The following N4BP1 variants were observed in gnomAD, a reference collection of about 807,000 sequenced individuals.
N4BP1 encodes the protein NEDD4-binding protein 1.
A neutral mutation model predicts 70.9 loss-of-function variants in N4BP1; 21 were observed. The ratio of observed to expected loss-of-function variants is 0.30; its 90% CI spans 0.21 to 0.43. The LOEUF (loss-of-function observed/expected upper bound fraction) is 0.43, where lower values mean the gene tolerates loss of function less well. Among genes scored for constraint, N4BP1 ranks in the 20% least tolerant of loss-of-function variants. The pLI, the probability that N4BP1 is intolerant of heterozygous loss-of-function variation, is 1.00. For missense variants in N4BP1, 936 were observed against 1,069.4 expected (o/e 0.88, Z 1.74); for synonymous variants, 387 against 394.6 (o/e 0.98, Z 0.23).
At chr16:48,554,930 C>T (rs1005221004) in intron 2 of N4BP1, among the ~76,000 whole-genome samples, 2 of 152,194 alleles carry the variant, frequency 1.3e-5, no homozygotes, top group Admixed American at 6.5e-5. Flanking sequence ...GACCCCTCCT[C>T]GTCTGACTCG....
intron 1 of N4BP1, among the ~76,000 whole-genome samples, chr16:48,590,269 C>T (rs1964314721): frequency 1.3e-5 from 2 of 152,144 alleles, no homozygotes; most frequent in African/African-American, 2.4e-5. Flanking sequence ...CCATCTCCAA[C>T]CTGACCAATC....
intron 1 of N4BP1, chr16:48,578,305 C>G (rs1321500519): frequency 6.6e-6 from 1 of 152,554 alleles, no homozygotes; most frequent in Non-Finnish European, 1.5e-5. Context: ...CCCAGGGGCT[C>G]TGGGTCGCAC....
intron 1 of N4BP1, among the ~76,000 whole-genome samples, chr16:48,565,890 A>T (rs896681787): frequency 2.6e-5 from 4 of 152,212 alleles, no homozygotes; most frequent in Non-Finnish European, 5.9e-5. Flanking sequence ...GTCCATTTCA[A>T]CTAAGTCATC....
At chr16:48,551,321 C>T in intron 4 of N4BP1, 65 bp downstream of exon 4, 1 of 1,234,322 alleles carries the variant, frequency 8.1e-7, no homozygotes, top group Non-Finnish European at 1.2e-6. Context: ...ACCTGTCCAG[C>T]AGAGCAGGTG....
rs1964656486 is a variant in N4BP1 at position 48,609,904 on chromosome 16, G to A, written c.69C>T (p.Ser23=). Residue 23 remains serine, a synonymous_variant, in exon 1 of 7, where the codon AGC becomes AGT. Coordinates refer to ENST00000262384, the MANE Select transcript of N4BP1 (RefSeq NM_153029.4). ...PAEKAELLEQ[S]RGRIEGLFGV... The stretch of plus-strand genomic sequence containing the variant: ...CAAACAGGCCCTCGATACGGCCGCG[G>A]CTCTGCTCCAGCAGCTCCGCCTTCT... The A allele has an allele frequency of 6.8e-7, 1 of 1,468,316 alleles. No homozygotes were observed. The highest frequency in any genetic ancestry group is 9.0e-7 in the Non-Finnish European group (1 of 1,110,476). The allele number at this position is 1,468,316 out of a possible 1,614,324, so 91.0% of individuals were successfully genotyped here. A position where few individuals can be genotyped will look rare whatever the true frequency, so the allele number is the denominator to read the frequency against.
At chr16:48,568,457 T>C (rs72788409) in intron 1 of N4BP1, among the ~76,000 whole-genome samples, 285 of 152,332 alleles carry the variant, frequency 1.9e-3, no homozygotes, top group Middle Eastern at 3.4e-3. Context: ...ACCTATTACA[T>C]TTACCCAGAT....
At chr16:48,573,361 G>T (rs1964050334) in intron 1 of N4BP1, among the ~76,000 whole-genome samples, 1 of 152,102 alleles carries the variant, frequency 6.6e-6, no homozygotes, top group Admixed American at 6.5e-5. Flanking sequence ...GGAGGCCAAG[G>T]CAGGCGGATT....
chr16:48,585,896 A>G (rs1229571862), intron 1 of N4BP1, among the ~76,000 whole-genome samples: 1 of 152,062 alleles, frequency 6.6e-6, no homozygotes, highest in African/African-American at 2.4e-5. Flanking sequence ...AGGTTTCATC[A>G]CGTTGGCCAG....
chr16:48,604,596 A>G (rs1964549735), intron 1 of N4BP1, among the ~76,000 whole-genome samples: 1 of 117,934 alleles, frequency 8.5e-6, no homozygotes, highest in South Asian at 2.6e-4. Context: ...AAAAAACAAA[A>G]AAAGGTAAAA....
intron 1 of N4BP1, among the ~76,000 whole-genome samples, chr16:48,585,507 A>C (rs1393351679): frequency 6.6e-6 from 1 of 151,252 alleles, no homozygotes; most frequent in East Asian, 2.0e-4. Flanking sequence ...ATAAAATTAT[A>C]TGTTCAACTA....
chr16:48,606,564 G>A (rs1360364730), intron 1 of N4BP1, among the ~76,000 whole-genome samples: 1 of 152,212 alleles, frequency 6.6e-6, no homozygotes, highest in Non-Finnish European at 1.5e-5. Flanking sequence ...CTGAAGTACT[G>A]CTTTCTACGA....
chr16:48,574,356 A>C lies in N4BP1; in HGVS notation c.199-11912T>G, dbSNP rs1964063402. On this transcript the variant is annotated intron_variant, in intron 1 of 6. Coordinates refer to ENST00000262384, the MANE Select transcript of N4BP1 (RefSeq NM_153029.4). The stretch of plus-strand genomic sequence containing the variant: ...TTCTTATCTGACATTTGAGATAAGG[A>C]ATGTCAGCAGTTATGAAATATTGAG... Among the ~76,000 whole-genome samples, 4 of 152,202 alleles carry C rather than the reference A, an allele frequency of 2.6e-5. No homozygotes were observed. The South Asian group carries it at 8.3e-4, about 31-fold the overall frequency.
intron 1 of N4BP1, among the ~76,000 whole-genome samples, chr16:48,594,281 T>C (rs1050064524): frequency 1.3e-5 from 2 of 152,192 alleles, no homozygotes; most frequent in Non-Finnish European, 2.9e-5. Flanking sequence ...AGGTTTTTCC[T>C]GTTTTAAAAT....
At chr16:48,554,986 C>G (rs1389994219) in intron 2 of N4BP1, among the ~76,000 whole-genome samples, 1 of 152,216 alleles carries the variant, frequency 6.6e-6, no homozygotes, top group Non-Finnish European at 1.5e-5. Flanking sequence ...CATGAGACAA[C>G]CCTCTTGGTT....
At chr16:48,572,132 G>A (rs892542579) in intron 1 of N4BP1, among the ~76,000 whole-genome samples, 2 of 152,282 alleles carry the variant, frequency 1.3e-5, no homozygotes, top group Admixed American at 1.3e-4. Context: ...CCAGGAAGTC[G>A]AGGCTGCAGT....
intron 2 of N4BP1, among the ~76,000 whole-genome samples, chr16:48,554,636 C>A (rs963997166): frequency 6.6e-6 from 1 of 152,234 alleles, no homozygotes; most frequent in Non-Finnish European, 1.5e-5. Context: ...TCTATGTTCA[C>A]TGCTTCAATG....
intron 1 of N4BP1, among the ~76,000 whole-genome samples, chr16:48,573,362 C>T (rs1964050374): frequency 6.6e-6 from 1 of 152,124 alleles, no homozygotes; most frequent in Admixed American, 6.5e-5. Context: ...GAGGCCAAGG[C>T]AGGCGGATTG....
Position 48,543,043 on chromosome 16 carries a change from G to A in N4BP1, c.2552C>T (p.Ser851Phe), listed in dbSNP as rs1963530318. ...QNLPMPAQRS[S>F]AETNELREAL... ...TTCCCTCAGCTCGTTGGTTTCTGCA[G>A]AAGATCTCTGAGCTGGCATGGGCAG... The change falls in exon 7 of 7, where the codon TCT (serine) becomes TTT (phenylalanine). Residue 851 changes from serine to phenylalanine, a missense_variant. Coordinates refer to ENST00000262384, the MANE Select transcript of N4BP1 (RefSeq NM_153029.4). The A allele has an allele frequency of 6.2e-7, 1 of 1,613,946 alleles. No individual in the cohort carries two copies. Among genetic ancestry groups the A allele is most frequent in the Non-Finnish European group, 8.5e-7 (1 of 1,179,894 alleles).
intron 1 of N4BP1, among the ~76,000 whole-genome samples, chr16:48,586,187 T>A (rs981062183): frequency 9.9e-5 from 15 of 152,224 alleles, no homozygotes; most frequent in Admixed American, 7.2e-4. Flanking sequence ...GTCTATGTTG[T>A]CCAGGTGGTG....
Sources: allele counts gnomAD v4.1 joint callset (sites outside exome capture counted in the v4.1 genomes callset), GRCh38; gene constraint gnomAD v4.1.1; transcripts MANE v1.5; gene names NCBI Gene and HGNC (gene_info 2026-07-23, HGNC 2026-07-21).